Variants in DGKB observed in about 807,000 individuals in gnomAD.
The protein encoded by DGKB is diacylglycerol kinase beta.
A neutral mutation model predicts 114.3 loss-of-function variants in DGKB; 67 were observed. That is an observed-to-expected ratio of 0.59 (90% CI 0.48 to 0.72). The LOEUF (loss-of-function observed/expected upper bound fraction) is 0.72, where lower values mean the gene tolerates loss of function less well. Ranked by LOEUF, DGKB falls within the 30% of genes least tolerant of loss-of-function variation. The pLI, the probability that DGKB is intolerant of heterozygous loss-of-function variation, is 0.00. For missense variants in DGKB, 907 were observed against 975.2 expected, an observed-to-expected ratio of 0.93 and a Z score of 0.93; for synonymous variants, 398 against 323.1, an observed-to-expected ratio of 1.23 and a Z score of -2.49.
intron 23 of DGKB, among the ~76,000 whole-genome samples, chr7:14,278,748 A>G (rs1483926752): frequency 6.6e-6 from 1 of 152,224 alleles, no homozygotes; most frequent in African/African-American, 2.4e-5. Context: ...TAGGGAGTTA[A>G]TAAGCAAAAT....
intron 21 of DGKB, among the ~76,000 whole-genome samples, chr7:14,466,195 C>G (rs994541266): frequency 1.3e-5 from 2 of 152,140 alleles, no homozygotes; most frequent in African/African-American, 4.8e-5. Flanking sequence ...AAAATACGAA[C>G]AAGCGCTCAT....
At chr7:14,262,186 C>G (rs1796878091) in intron 23 of DGKB, among the ~76,000 whole-genome samples, 1 of 152,100 alleles carries the variant, frequency 6.6e-6, no homozygotes, top group African/African-American at 2.4e-5. Context: ...GTCCAATGGT[C>G]TTGGGTAGAA....
rs547616644 is a variant in DGKB at position 14,551,892 on chromosome 7, T to G, written c.1770+22320A>C. Among the ~76,000 whole-genome samples the G allele has an allele frequency of 5.9e-5, 9 of 152,130 alleles. No individual in the cohort carries two copies. In the South Asian group the frequency reaches 1.0e-3, roughly 18 times the overall value. On this transcript the variant is annotated intron_variant, in intron 20 of 25. Coordinates refer to ENST00000402815, the MANE Select transcript of DGKB (RefSeq NM_001350709.2). Reference sequence around the variant, plus strand: ...TTACTGCAATCTGTCTCACAGTGAGTCTTAAATTTTTTTTCTTCACAAATT... The same window carrying G: ...TTACTGCAATCTGTCTCACAGTGAGGCTTAAATTTTTTTTCTTCACAAATT...
At chr7:14,283,526 A>G (rs2128459268) in intron 23 of DGKB, among the ~76,000 whole-genome samples, 1 of 149,924 alleles carries the variant, frequency 6.7e-6, no homozygotes, top group Non-Finnish European at 1.5e-5. Context: ...TAAAGTTCAT[A>G]TGGAACCAAA....
At chr7:14,704,629 G>C (rs192251046) in intron 6 of DGKB, among the ~76,000 whole-genome samples, 1,722 of 152,032 alleles carry the variant, frequency 0.011, 9 homozygotes, top group Non-Finnish European at 0.019. Flanking sequence ...TCTGAGAACC[G>C]GCAGACTGCC....
rs143608639 is a variant in DGKB at position 14,843,759 on chromosome 7, T to C, written c.-187-2309A>G. Among the ~76,000 whole-genome samples, 77 of 152,392 alleles carry C rather than the reference T, an allele frequency of 5.1e-4. 1 individual carries two copies. Among genetic ancestry groups the C allele is most frequent in the African/African-American group, 1.8e-3 (76 of 41,600 alleles). On this transcript the variant is annotated intron_variant, in intron 1 of 25. Coordinates refer to ENST00000402815, the MANE Select transcript of DGKB (RefSeq NM_001350709.2). ...TATTCAAATATTTGTTGAGCCTTGC[T>C]GTCTGCCAGAAAGCTTTCTAGGCAA... is the stretch of plus-strand genomic sequence containing the variant.
intron 6 of DGKB, among the ~76,000 whole-genome samples, chr7:14,708,870 A>G (rs1826797326): frequency 1.3e-5 from 2 of 150,922 alleles, no homozygotes. Flanking sequence ...CCCTAAAAGA[A>G]AACCTAGGCT....
intron 9 of DGKB, among the ~76,000 whole-genome samples, chr7:14,693,305 GCATA>G (rs1823217359): frequency 6.6e-6 from 1 of 151,812 alleles, no homozygotes; most frequent in Admixed American, 6.6e-5. Context: ...TAAAAATCTG[GCATA>G]CACTATAGAT....
At chr7:14,311,741 A>C (rs1805427128) in intron 23 of DGKB, among the ~76,000 whole-genome samples, 1 of 152,092 alleles carries the variant, frequency 6.6e-6, no homozygotes, top group African/African-American at 2.4e-5. Flanking sequence ...TTTAATCTTT[A>C]TTGATTTTCC....
intron 23 of DGKB, among the ~76,000 whole-genome samples, chr7:14,257,699 C>T (rs537807428): frequency 6.6e-6 from 1 of 152,050 alleles, no homozygotes; most frequent in African/African-American, 2.4e-5. Context: ...TCCACAGCCA[C>T]GTGGAACTAT....
chr7:14,690,119 T>C (rs746289807), intron 9 of DGKB, among the ~76,000 whole-genome samples: 2 of 152,210 alleles, frequency 1.3e-5, no homozygotes, highest in Non-Finnish European at 2.9e-5. Context: ...CCCTATAATA[T>C]AAATTCAGGA....
intron 23 of DGKB, among the ~76,000 whole-genome samples, chr7:14,314,094 A>G (rs1805979720): frequency 6.6e-6 from 1 of 152,248 alleles, no homozygotes; most frequent in South Asian, 2.1e-4. Flanking sequence ...AGGAAAACTA[A>G]CAAACAGAAA....
At chr7:14,282,995 G>A (rs1228708252) in intron 23 of DGKB, among the ~76,000 whole-genome samples, 1 of 151,862 alleles carries the variant, frequency 6.6e-6, no homozygotes, top group Non-Finnish European at 1.5e-5. Flanking sequence ...TCAACATAGT[G>A]TTGGAAGTTC....
intron 6 of DGKB, among the ~76,000 whole-genome samples, chr7:14,714,227 G>T: frequency 6.6e-6 from 1 of 152,050 alleles, no homozygotes; most frequent in East Asian, 1.9e-4. Context: ...AATATACACT[G>T]TGGGGAGGCA....
chr7:14,575,253 C>G (rs1054495392), intron 19 of DGKB, among the ~76,000 whole-genome samples: 5 of 152,220 alleles, frequency 3.3e-5, no homozygotes, highest in Non-Finnish European at 7.3e-5. Flanking sequence ...CTAGCCCTAT[C>G]TTAGAACTAG....
chr7:14,700,837 G>A (rs540569851), intron 7 of DGKB, among the ~76,000 whole-genome samples: 2 of 151,970 alleles, frequency 1.3e-5, no homozygotes, highest in South Asian at 2.1e-4. Context: ...CATTAAAAAT[G>A]GTACACTTCA....
At chr7:14,286,548 T>C (rs1160085961) in intron 23 of DGKB, among the ~76,000 whole-genome samples, 2 of 152,138 alleles carry the variant, frequency 1.3e-5, no homozygotes, top group East Asian at 3.9e-4. Context: ...GGGTAAATAG[T>C]CACATAATGG....
chr7:14,452,901 T>G (rs1040829233), intron 21 of DGKB, among the ~76,000 whole-genome samples: 2 of 152,130 alleles, frequency 1.3e-5, no homozygotes, highest in Non-Finnish European at 2.9e-5. Flanking sequence ...TTTCCTCTAC[T>G]TGATTTGCAA....
At chr7:14,346,011 A>T (rs1812414910) in intron 21 of DGKB, among the ~76,000 whole-genome samples, 1 of 151,306 alleles carries the variant, frequency 6.6e-6, no homozygotes. Flanking sequence ...TTGAAATTTT[A>T]TTCTTGTGAA....
Sources: allele counts gnomAD v4.1 joint callset (sites outside exome capture counted in the v4.1 genomes callset), GRCh38; gene constraint gnomAD v4.1.1; transcripts MANE v1.5; gene names NCBI Gene and HGNC (gene_info 2026-07-23, HGNC 2026-07-21).